Variants in SLC25A47 observed in about 807,000 individuals in gnomAD.
SLC25A47 encodes the protein HCC-down-regulated mitochondrial carrier protein.
SLC25A47 carries 30 observed loss-of-function variants against 29.8 expected under a neutral mutation model. The ratio of observed to expected loss-of-function variants is 1.01; its 90% CI spans 0.75 to 1.36. The LOEUF (loss-of-function observed/expected upper bound fraction) is 1.36, where lower values mean the gene tolerates loss of function less well. Among genes scored for constraint, SLC25A47 ranks in the 40% most tolerant of loss-of-function variants. The pLI is 0.00. For synonymous variants in SLC25A47, 204 were observed against 197.8 expected, an observed-to-expected ratio of 1.03 and a Z score of -0.26; for missense variants, 430 against 441.9, an observed-to-expected ratio of 0.97 and a Z score of 0.24.
chr14:100,325,310 G>T (rs1893316102), intron 1 of SLC25A47, among the ~76,000 whole-genome samples: 1 of 152,156 alleles, frequency 6.6e-6, no homozygotes, highest in Non-Finnish European at 1.5e-5. Context: ...CCTGGCCTTT[G>T]CCCAGGCTGT....
chr14:100,327,470 C>A, intron 4 of SLC25A47, 100 bp downstream of exon 4: 1 of 1,320,712 alleles, frequency 7.6e-7, no homozygotes, highest in Non-Finnish European at 1.0e-6. Flanking sequence ...TTGATGAGGG[C>A]AGACACTGGA....
At chr14:100,325,740 G>T (rs1430242504) in intron 1 of SLC25A47, 48 bp from the exon 2 acceptor site, 1 of 1,594,072 alleles carries the variant, frequency 6.3e-7, no homozygotes, top group South Asian at 1.1e-5. Context: ...GGGTTGAACT[G>T]CTCGCCGGCC....
rs1208104793 is a variant in SLC25A47, at chr14:100,328,942, A to T, written c.544A>T (p.Ser182Cys). ...EEGLCGLYKGSSALVLRDGHS... is the reference protein window; with the variant it reads ...EEGLCGLYKGCSALVLRDGHS... Reference sequence around the variant, plus strand: ...GGGGCTGTGCGGCCTCTACAAGGGCAGCTCGGCCCTGGTCTTACGGGACGG... The same window carrying T: ...GGGGCTGTGCGGCCTCTACAAGGGCTGCTCGGCCCTGGTCTTACGGGACGG... Residue 182 changes from serine to cysteine, a missense_variant, in exon 5 of 6, where the codon AGC (serine) becomes TGC (cysteine). Ser to Cys is a moderately radical substitution (Grantham distance 112). Coordinates refer to ENST00000361529, the MANE Select transcript of SLC25A47 (RefSeq NM_207117.4). 6.2e-7 allele frequency: 1 copy of T among 1,605,980 alleles called. No homozygotes were observed.
chr14:100,324,254 T>C (rs1027292419), intron 1 of SLC25A47, among the ~76,000 whole-genome samples: 61 of 152,176 alleles, frequency 4.0e-4, no homozygotes, highest in African/African-American at 1.4e-3. Flanking sequence ...AGATGGAGTC[T>C]TGTTCTGTCG....
chr14:100,323,537 C>A, intron 1 of SLC25A47, 95 bp downstream of exon 1: 1 of 1,441,654 alleles, frequency 6.9e-7, no homozygotes, highest in Admixed American at 1.8e-5. Context: ...GCAGGGTGGG[C>A]TTTGAGGAGC....
chr14:100,323,589 C>A (rs1893286300), intron 1 of SLC25A47, 147 bp downstream of exon 1: 9 of 981,932 alleles, frequency 9.2e-6, no homozygotes. Context: ...GAGCAGGTTC[C>A]TGGGAGGCTA....
At position 100,329,408 on chromosome 14, in the gene SLC25A47, G is replaced by T; in HGVS notation, c.690G>T (p.Leu230=). Reference sequence around the variant, plus strand: ...TGGCCGGGGGCTGTGCAGGAGTCCTGGCCTGGGCTGTGGCCACCCCCATGG... The same window carrying T: ...TGGCCGGGGGCTGTGCAGGAGTCCTTGCCTGGGCTGTGGCCACCCCCATGG... ...VLVAGGCAGV[L]AWAVATPMDV... Residue 230 remains leucine, a synonymous_variant, in exon 6 of 6, where the codon CTG becomes CTT. Coordinates refer to ENST00000361529, the MANE Select transcript of SLC25A47 (RefSeq NM_207117.4). 6.2e-7 allele frequency: 1 copy of T among 1,612,574 alleles called. No individual in the cohort carries two copies.
intron 1 of SLC25A47, among the ~76,000 whole-genome samples, chr14:100,324,726 C>G (rs1217438752): frequency 4.6e-5 from 7 of 152,232 alleles, no homozygotes; most frequent in Non-Finnish European, 1.0e-4. Context: ...GGTGTCAGCC[C>G]TCGGCCGTGT....
At chr14:100,326,273 G>A (rs1325962121) in intron 3 of SLC25A47, 45 bp downstream of exon 3, 3 of 1,570,924 alleles carry the variant, frequency 1.9e-6, no homozygotes, top group Non-Finnish European at 2.6e-6. Context: ...GGGAGGGGAT[G>A]CTGGGCCTGC....
Position 100,326,247 on chromosome 14 carries a change from G to A in SLC25A47, c.144+19G>A, listed in dbSNP as rs1199918563. On this transcript the variant is annotated intron_variant, in intron 3 of 5. Coordinates refer to ENST00000361529, the MANE Select transcript of SLC25A47 (RefSeq NM_207117.4). ...AGAGCGCGTAGGTCTGGGGCCAGGGGCTGGGTAGGGAGACAGGGAGGGGAT... is the reference window on the plus strand; with the variant it reads ...AGAGCGCGTAGGTCTGGGGCCAGGGACTGGGTAGGGAGACAGGGAGGGGAT... 1.2e-6 allele frequency: 2 copies of A among 1,611,302 alleles called. No homozygotes were observed. Among genetic ancestry groups the A allele is most frequent in the African/African-American group, 2.7e-5 (2 of 74,802 alleles).
chr14:100,324,233 T>C (rs1447400398), intron 1 of SLC25A47, among the ~76,000 whole-genome samples: 1 of 152,018 alleles, frequency 6.6e-6, no homozygotes, highest in Non-Finnish European at 1.5e-5. Flanking sequence ...TTTTCTTTTT[T>C]TTTTCCCTTG....
rs962243510 is a variant in SLC25A47 at position 100,329,128 on chromosome 14, C to T, written c.646+84C>T. ...TGAGGTCGTGCTGCCCGCCAGTACCCGAGTGGGGGCTTGAACTTGGCCTCC... is the reference window on the plus strand; with the variant it reads ...TGAGGTCGTGCTGCCCGCCAGTACCTGAGTGGGGGCTTGAACTTGGCCTCC... On this transcript the variant is annotated intron_variant, in intron 5 of 5. Coordinates refer to ENST00000361529, the MANE Select transcript of SLC25A47 (RefSeq NM_207117.4). 1.3e-4 allele frequency: 193 copies of T among 1,459,066 alleles called. No homozygotes were observed. The African/African-American group carries it at 2.0e-3, about 15-fold the overall frequency. The allele number at this position is 1,459,066 out of a possible 1,614,324, so 90.4% of individuals were successfully genotyped here.
Position 100,325,795 on chromosome 14 carries a change from C to T in SLC25A47, c.36C>T (p.Cys12=), listed in dbSNP as rs750448569. The change falls in exon 2 of 6, where the codon TGC becomes TGT. Residue 12 remains cysteine, a synonymous_variant. Transcript: ENST00000361529. ...CCTCTTCTTTCCTTGCAGGCGTCTG[C>T]GGTGTTGCTGTGGGCTACCCCCTGG... ...DFVAGAIGGV[C]GVAVGYPLDT... is the part of the protein sequence containing the mutation. 5.6e-6 allele frequency: 9 copies of T among 1,612,438 alleles called. No homozygotes were observed. The highest frequency in any genetic ancestry group is 2.2e-5 in the South Asian group (2 of 90,692).
In SLC25A47 at chr14:100,328,862, C is replaced by T; in HGVS notation, c.464C>T (p.Pro155Leu). 6.2e-7 allele frequency: 1 copy of T among 1,612,410 alleles called. No homozygotes were observed. The highest frequency in any genetic ancestry group is 8.5e-7 in the Non-Finnish European group (1 of 1,179,758). The change falls in exon 5 of 6, where the codon CCA becomes CTA. Residue 155 changes from proline (P) to leucine (L), a missense_variant. Physicochemically the swap from Pro to Leu is moderately conservative, Grantham distance 98. Transcript: ENST00000361529. ...PPMCPVPPACPEPKYRGPLHC... is the reference protein window; with the variant it reads ...PPMCPVPPACLEPKYRGPLHC... ...ATGTGTCCTGTGCCCCCAGCCTGCC[C>T]AGAGCCCAAGTACCGCGGGCCACTG...
chr14:100,328,766 T>TGCAGAC lies in SLC25A47; in HGVS notation c.375_380dup (p.Thr127_Gln128dup), dbSNP rs746946677. On this transcript the variant is annotated inframe_insertion, in exon 5 of 6. Coordinates refer to ENST00000361529, the MANE Select transcript of SLC25A47 (RefSeq NM_207117.4). ...CCCACTGAGGTGGCCAAAGTCCGCT[T>TGCAGAC]GCAGACGCAGACACAGGCGCAGAAG... is the stretch of plus-strand genomic sequence containing the variant. 1.9e-5 allele frequency: 31 copies of TGCAGAC among 1,612,906 alleles called. No individual in the cohort carries two copies. Among genetic ancestry groups the TGCAGAC allele is most frequent in the East Asian group, 8.9e-5 (4 of 44,890 alleles).
intron 2 of SLC25A47, 85 bp downstream of exon 2, chr14:100,325,916 C>T (rs183132895): frequency 6.9e-7 from 1 of 1,451,274 alleles, no homozygotes; most frequent in Non-Finnish European, 9.4e-7. Context: ...GCTAAACAGA[C>T]CCACCCCTTT....
intron 2 of SLC25A47, 29 bp downstream of exon 2, chr14:100,325,860 C>T (rs751795812): frequency 9.3e-6 from 15 of 1,604,972 alleles, no homozygotes; most frequent in African/African-American, 1.3e-5. Flanking sequence ...CCCCAACCAT[C>T]CTAAGGCCCC....
At chr14:100,325,704 C>T (rs548777382) in intron 1 of SLC25A47, 84 bp from the exon 2 acceptor site, 31 of 1,427,548 alleles carry the variant, frequency 2.2e-5, no homozygotes, top group African/African-American at 7.0e-5. Flanking sequence ...AGTCAGCGTG[C>T]GCTCTGCTTC....
chr14:100,325,831 G>T lies in SLC25A47; in HGVS notation c.72G>T (p.Lys24Asn). Residue 24 changes from lysine (K) to asparagine (N), a missense_variant and splice_region_variant, in exon 2 of 6, where the codon AAG (lysine) becomes AAT (asparagine). Physicochemically the swap from Lys to Asn is moderately conservative, Grantham distance 94 (BLOSUM62 0). Coordinates refer to ENST00000361529, the MANE Select transcript of SLC25A47 (RefSeq NM_207117.4). ...VAVGYPLDTV[K>N]VRIQTEPKYT... ...TGGGCTACCCCCTGGACACGGTGAA[G>T]GTGCGGCAATAGCCAGCCCCCCAAC... 4 of 1,612,052 alleles carry T rather than the reference G, an allele frequency of 2.5e-6. No homozygotes were observed. Among genetic ancestry groups the T allele is most frequent in the Non-Finnish European group, 3.4e-6 (4 of 1,179,040 alleles).
Sources: allele counts gnomAD v4.1 joint callset (sites outside exome capture counted in the v4.1 genomes callset), GRCh38; gene constraint gnomAD v4.1.1; transcripts MANE v1.5; gene names NCBI Gene and HGNC (gene_info 2026-07-23, HGNC 2026-07-21).